Variants in PTGR1 observed in about 807,000 individuals in gnomAD.
The protein encoded by PTGR1 is 15-oxoprostaglandin 13-reductase.
Under a neutral mutation model 37.7 loss-of-function variants are expected in PTGR1, and 23 were observed. The ratio of observed to expected loss-of-function variants is 0.61; its 90% CI spans 0.44 to 0.86. The LOEUF (loss-of-function observed/expected upper bound fraction) is 0.86. PTGR1 is among the 40% of genes least tolerant of loss of function. The pLI is 0.00. For missense variants in PTGR1, 351 were observed against 394.3 expected (o/e 0.89, Z 0.93); for synonymous variants, 134 against 140.0 (o/e 0.96, Z 0.30).
At position 111,563,087 on chromosome 9, in the gene PTGR1, C is replaced by A. The variant is rs1341799271; in HGVS notation, c.*34G>T. On this transcript the variant is annotated 3_prime_UTR_variant, in exon 10 of 10. Coordinates refer to ENST00000407693, the MANE Select transcript of PTGR1 (RefSeq NM_001146108.2). ...GGTGAAAAACAAATTAACTAATCAT[C>A]TAAATGGCCTCCAGATTCCATGTGT... 1 of 1,606,938 alleles carries A rather than the reference C, an allele frequency of 6.2e-7. No homozygotes were observed. Among genetic ancestry groups the A allele is most frequent in the Non-Finnish European group, 8.5e-7 (1 of 1,177,386 alleles).
chr9:111,560,391 G>A (rs567904697), downstream of PTGR1, among the ~76,000 whole-genome samples: 4 of 147,446 alleles, frequency 2.7e-5, no homozygotes, highest in South Asian at 2.2e-4. Context: ...GGAGAATCGC[G>A]TGAACCCTGG....
At chr9:111,570,030 G>C (rs765669854) in intron 9 of PTGR1, 61 bp downstream of exon 9, 1 of 1,605,028 alleles carries the variant, frequency 6.2e-7, no homozygotes, top group Non-Finnish European at 8.5e-7. Flanking sequence ...CAAAAGCCTT[G>C]AGAGGCAAAG....
rs973531603 is a variant in PTGR1 at position 111,591,914 on chromosome 9, C to T, written c.209+1012G>A. ...TTGGACTGCCAGAATGAGCCAACAG[C>T]GTGTGATGTGCTTCCCCCTGCAGAG... On this transcript the variant is annotated intron_variant, in intron 4 of 9. Transcript: ENST00000407693. Among the ~76,000 whole-genome samples, 7 of 152,312 alleles carry T rather than the reference C, an allele frequency of 4.6e-5. No individual in the cohort carries two copies. The East Asian group carries it at 5.8e-4, about 13-fold the overall frequency.
Position 111,595,961 on chromosome 9 carries a change from G to A in PTGR1, c.106+1356C>T, listed in dbSNP as rs749511747. On this transcript the variant is annotated intron_variant, in intron 2 of 9. Coordinates refer to ENST00000407693, the MANE Select transcript of PTGR1 (RefSeq NM_001146108.2). ...ACTCATCTTATAGTCTGAACTCTTC[G>A]TATAGCTACTGGGCAGTGCTTACCT... 3.3e-5 allele frequency among the ~76,000 whole-genome samples: 5 copies of A among 152,114 alleles called. No individual in the cohort carries two copies. In the East Asian group the frequency reaches 5.8e-4, roughly 18 times the overall value.
intron 9 of PTGR1, among the ~76,000 whole-genome samples, chr9:111,556,063 A>C (rs1275187331): frequency 1.3e-5 from 2 of 152,280 alleles, no homozygotes; most frequent in Non-Finnish European, 2.9e-5. Flanking sequence ...AAGATAGAAC[A>C]GGGGTACAGA....
At chr9:111,560,073 T>C (rs1412040262), downstream of PTGR1, among the ~76,000 whole-genome samples, 1 of 150,814 alleles carries the variant, frequency 6.6e-6, no homozygotes, top group Non-Finnish European at 1.5e-5. Flanking sequence ...TGGTGGCTTA[T>C]GCCTCCCAAA....
chr9:111,574,714 C>A lies in PTGR1; in HGVS notation c.760+20G>T. Reference sequence around the variant, plus strand: ...TGTCCAGCCTTGTGACATATGGGATCGTGTGCATGTGCTCATTACCTGGGG... The same window carrying A: ...TGTCCAGCCTTGTGACATATGGGATAGTGTGCATGTGCTCATTACCTGGGG... On this transcript the variant is annotated intron_variant, in intron 8 of 9. Transcript: ENST00000407693. The A allele has an allele frequency of 6.4e-7, 1 of 1,555,910 alleles. No homozygotes were observed. The highest frequency in any genetic ancestry group is 1.1e-5 in the South Asian group (1 of 88,096).
downstream of PTGR1, among the ~76,000 whole-genome samples, chr9:111,560,473 C>CAA (rs752283590): frequency 0.018 from 1,722 of 94,252 alleles, 31 homozygotes; most frequent in Non-Finnish European, 0.028. Context: ...GACTCCATCT[C>CAA]AAAAAAAAAA....
chr9:111,549,764 T>A (rs1282484863), exon 10 of PTGR1: 1 of 1,550,374 alleles, frequency 6.5e-7, no homozygotes, highest in African/African-American at 1.4e-5. Context: ...ATTTTTCTGC[T>A]TTGAAGCTTC....
intron 3 of PTGR1, 145 bp downstream of exon 3, chr9:111,594,077 G>C: frequency 1.2e-6 from 1 of 833,658 alleles, no homozygotes; most frequent in Non-Finnish European, 2.0e-6. Context: ...AGACGAGCGT[G>C]CATGAATCTT....
At chr9:111,583,790 C>T (rs1323792080) in intron 5 of PTGR1, among the ~76,000 whole-genome samples, 4 of 152,098 alleles carry the variant, frequency 2.6e-5, no homozygotes, top group South Asian at 4.1e-4. Context: ...GTGATGTGAA[C>T]TAGGGAGGGA....
chr9:111,579,378 T>A (rs918808705), intron 6 of PTGR1, among the ~76,000 whole-genome samples: 7 of 152,106 alleles, frequency 4.6e-5, no homozygotes, highest in Admixed American at 3.9e-4. Flanking sequence ...ACTGCCCCCT[T>A]ATCCTTTTTT....
At chr9:111,596,101 A>G (rs1223969278) in intron 2 of PTGR1, among the ~76,000 whole-genome samples, 14 of 152,216 alleles carry the variant, frequency 9.2e-5, no homozygotes, top group Non-Finnish European at 5.9e-5. Context: ...AAAGCAGGGG[A>G]ATCCTGCCAT....
intron 9 of PTGR1, among the ~76,000 whole-genome samples, chr9:111,553,111 ACACT>A (rs1828019336): frequency 6.6e-6 from 1 of 152,158 alleles, no homozygotes; most frequent in Admixed American, 6.5e-5. Context: ...TTTTTGACTT[ACACT>A]CACTAAATGG....
chr9:111,586,803 CTATA>C (rs1170334255), intron 4 of PTGR1, among the ~76,000 whole-genome samples: 24 of 143,722 alleles, frequency 1.7e-4, no homozygotes, highest in South Asian at 1.3e-3. Context: ...CTCTCTCTCT[CTATA>C]TATATATATA....
chr9:111,574,785 C>G lies in PTGR1; in HGVS notation c.709G>C (p.Ala237Pro). The G allele has an allele frequency of 6.2e-7, 1 of 1,613,926 alleles. No individual in the cohort carries two copies. Among genetic ancestry groups the G allele is most frequent in the Non-Finnish European group, 8.5e-7 (1 of 1,179,938 alleles). The change falls in exon 8 of 10, where the codon GCC becomes CCC. Residue 237 changes from alanine (A) to proline (P), a missense_variant. Coordinates refer to ENST00000407693, the MANE Select transcript of PTGR1 (RefSeq NM_001146108.2). ...TATGTAGAGATGGCTCCACATATGG[C>G]AATCCTTCCAAATTTCTTCATCTGG... ...IGQMKKFGRI[A>P]ICGAISTYNR...
intron 4 of PTGR1, among the ~76,000 whole-genome samples, chr9:111,590,695 C>G (rs754980869): frequency 2.6e-5 from 4 of 152,124 alleles, no homozygotes; most frequent in African/African-American, 4.8e-5. Flanking sequence ...TTGTCATCAC[C>G]TTTTCAGTTA....
At chr9:111,568,189 T>TATAAATGG (rs1367648131) in intron 9 of PTGR1, among the ~76,000 whole-genome samples, 3 of 152,220 alleles carry the variant, frequency 2.0e-5, no homozygotes, top group Non-Finnish European at 4.4e-5. Flanking sequence ...GCAGAGAGCC[T>TATAAATGG]ATAAATGGAT....
At chr9:111,557,976 G>A (rs1297557678), downstream of PTGR1, among the ~76,000 whole-genome samples, 3 of 152,104 alleles carry the variant, frequency 2.0e-5, no homozygotes, top group Non-Finnish European at 4.4e-5. Flanking sequence ...GTGAAACTCT[G>A]TCTCTACTAA....
Sources: gnomAD v4.1 joint callset for allele counts (sites outside exome capture counted in the v4.1 genomes callset) on GRCh38, gnomAD v4.1.1 for gene constraint, MANE v1.5 for transcripts, NCBI Gene and HGNC (gene_info 2026-07-23, HGNC 2026-07-21) for gene names.